The following PPARGC1A variants were observed in gnomAD, a reference collection of about 807,000 sequenced individuals.
The protein encoded by PPARGC1A is PPARG coactivator 1 alpha, also known as peroxisome proliferator-activated receptor gamma coactivator 1-alpha.
Under a neutral mutation model 88.7 loss-of-function variants are expected in PPARGC1A, and 25 were observed. That is an observed-to-expected ratio of 0.28 (90% CI 0.21 to 0.39). The LOEUF (loss-of-function observed/expected upper bound fraction) is 0.39. Among genes scored for constraint, PPARGC1A ranks in the 10% least tolerant of loss-of-function variants. PPARGC1A has a pLI of 1.00. For missense variants in PPARGC1A, 880 were observed against 968.7 expected, an observed-to-expected ratio of 0.91 and a Z score of 1.22; for synonymous variants, 363 against 355.6, an observed-to-expected ratio of 1.02 and a Z score of -0.24.
chr4:24,223,767 A>G, the PPARGC1A span, among the ~76,000 whole-genome samples: 130 of 152,350 alleles, frequency 8.5e-4, 2 homozygotes, highest in East Asian at 0.021. Context: ...GAAAATATGG[A>G]TTACAACCAC....
At chr4:23,890,653 G>A (rs1011099433), upstream of PPARGC1A, among the ~76,000 whole-genome samples, 1 of 121,162 alleles carries the variant, frequency 8.3e-6, no homozygotes, top group African/African-American at 3.1e-5. Context: ...AAAATAGCCT[G>A]TATGTGTTAA....
At chr4:24,305,706 G>C in the PPARGC1A span, among the ~76,000 whole-genome samples, 5 of 152,272 alleles carry the variant, frequency 3.3e-5, no homozygotes, top group South Asian at 1.0e-3. Context: ...CAACTAATCG[G>C]GAGGCTGAGG....
the PPARGC1A span, among the ~76,000 whole-genome samples, chr4:24,456,463 C>T: frequency 1.8e-4 from 27 of 152,154 alleles, no homozygotes; most frequent in African/African-American, 3.4e-4. Context: ...ATATTCCATA[C>T]GATATTTGCT....
chr4:23,889,883 C>T, intron 1 of PPARGC1A, 21 bp downstream of exon 1: 1 of 1,612,230 alleles, frequency 6.2e-7, no homozygotes, highest in Non-Finnish European at 8.5e-7. Context: ...GGCTGCAGCG[C>T]CGAGCCCTGC....
the PPARGC1A span, among the ~76,000 whole-genome samples, chr4:24,387,810 A>AAGAGAAAGAG: frequency 1.8e-5 from 2 of 108,400 alleles, no homozygotes; most frequent in African/African-American, 6.7e-5. Flanking sequence ...GAAAGAAAGA[A>AAGAGAAAGAG]AGAAAGAAAG....
the PPARGC1A span, among the ~76,000 whole-genome samples, chr4:23,939,817 A>G: frequency 6.6e-6 from 1 of 152,192 alleles, no homozygotes; most frequent in South Asian, 2.1e-4. Context: ...TACAAGAACA[A>G]TGAGGCCCAA....
At chr4:24,005,844 G>C in the PPARGC1A span, among the ~76,000 whole-genome samples, 1 of 152,094 alleles carries the variant, frequency 6.6e-6, no homozygotes, top group South Asian at 2.1e-4. Context: ...GAAATCTTAT[G>C]ATTCCATTAT....
chr4:23,969,978 C>T, the PPARGC1A span, among the ~76,000 whole-genome samples: 3 of 152,132 alleles, frequency 2.0e-5, no homozygotes, highest in Non-Finnish European at 2.9e-5. Flanking sequence ...TTCTATCCAA[C>T]ATGCCAAAAG....
chr4:23,952,815 G>T, the PPARGC1A span, among the ~76,000 whole-genome samples: 10 of 151,944 alleles, frequency 6.6e-5, no homozygotes, highest in East Asian at 1.9e-3. Flanking sequence ...TAATCTTTTA[G>T]TGCCTCTACG....
chr4:24,447,608 C>G, the PPARGC1A span, among the ~76,000 whole-genome samples: 1 of 152,194 alleles, frequency 6.6e-6, no homozygotes, highest in East Asian at 1.9e-4. Flanking sequence ...GTGTCTGAAT[C>G]CTCGTCATGC....
chr4:24,247,451 T>A, the PPARGC1A span, among the ~76,000 whole-genome samples: 2 of 152,192 alleles, frequency 1.3e-5, no homozygotes, highest in African/African-American at 4.8e-5. Context: ...CAGATAATTA[T>A]CCCTTTGGTT....
At chr4:24,231,658 G>A in the PPARGC1A span, among the ~76,000 whole-genome samples, 1 of 152,132 alleles carries the variant, frequency 6.6e-6, no homozygotes, top group Non-Finnish European at 1.5e-5. Flanking sequence ...ACATTCACTC[G>A]GGAAGAAACT....
At chr4:24,126,153 G>A in the PPARGC1A span, among the ~76,000 whole-genome samples, 1 of 151,994 alleles carries the variant, frequency 6.6e-6, no homozygotes, top group Non-Finnish European at 1.5e-5. Context: ...ATCTTGCTGG[G>A]TCTACAATCC....
At chr4:24,421,403 C>T in the PPARGC1A span, among the ~76,000 whole-genome samples, 8 of 151,834 alleles carry the variant, frequency 5.3e-5, no homozygotes, top group East Asian at 7.8e-4. Context: ...CTCCGCCTCC[C>T]GGGTTCACGC....
chr4:23,999,899 A>C, the PPARGC1A span, among the ~76,000 whole-genome samples: 1 of 151,724 alleles, frequency 6.6e-6, no homozygotes, highest in Non-Finnish European at 1.5e-5. Context: ...CCCAAGAACA[A>C]GGATGATTAT....
chr4:24,068,201 A>T, the PPARGC1A span, among the ~76,000 whole-genome samples: 92,749 of 151,760 alleles, frequency 0.61, 28,677 homozygotes, highest in Non-Finnish European at 0.65. Flanking sequence ...AATGTAATCA[A>T]TGCCACGGAA....
At chr4:24,160,619 C>T in the PPARGC1A span, among the ~76,000 whole-genome samples, 1 of 152,178 alleles carries the variant, frequency 6.6e-6, no homozygotes, top group Non-Finnish European at 1.5e-5. Context: ...CATCTCAACT[C>T]AGCTGTTTCA....
chr4:24,345,987 A>G, the PPARGC1A span, among the ~76,000 whole-genome samples: 1 of 152,156 alleles, frequency 6.6e-6, no homozygotes, highest in African/African-American at 2.4e-5. Context: ...TTTTAATCAT[A>G]AAGTGATGCT....
chr4:23,920,931 A>G, the PPARGC1A span, among the ~76,000 whole-genome samples: 1 of 152,116 alleles, frequency 6.6e-6, no homozygotes, highest in African/African-American at 2.4e-5. Context: ...AGGATATACC[A>G]GCCGCAGGAC....
Sources: gnomAD v4.1 joint callset for allele counts (sites outside exome capture counted in the v4.1 genomes callset) on GRCh38, gnomAD v4.1.1 for gene constraint, MANE v1.5 for transcripts, NCBI Gene and HGNC (gene_info 2026-07-23, HGNC 2026-07-21) for gene names.